UNC13C: variants seen among roughly 807,000 people sequenced by gnomAD.
The protein encoded by UNC13C is protein unc-13 homolog C.
A neutral mutation model predicts 245.4 loss-of-function variants in UNC13C; 174 were observed. That is an observed-to-expected ratio of 0.71 (90% CI 0.63 to 0.80). The LOEUF (loss-of-function observed/expected upper bound fraction) is 0.80. UNC13C is among the 30% of genes least tolerant of loss of function. The pLI is 0.00. For missense variants in UNC13C, 2,829 were observed against 2,602.9 expected (o/e 1.09, Z -1.89); for synonymous variants, 992 against 895.1 (o/e 1.11, Z -1.93).
At chr15:54,626,687 G>T (rs1428083298) in intron 32 of UNC13C, 141 bp from the exon 33 acceptor site, 4 of 774,952 alleles carry the variant, frequency 5.2e-6, no homozygotes, top group African/African-American at 1.7e-5. Flanking sequence ...CAAATTTAAA[G>T]GGTTAAAATA....
chr15:53,958,134 C>A, the UNC13C span, among the ~76,000 whole-genome samples: 2 of 152,268 alleles, frequency 1.3e-5, no homozygotes, highest in East Asian at 3.9e-4. Context: ...AAGAGAGCTG[C>A]AGATAATTTT....
intron 4 of UNC13C, among the ~76,000 whole-genome samples, chr15:54,149,158 G>A (rs1358897125): frequency 1.3e-5 from 2 of 152,030 alleles, no homozygotes; most frequent in Admixed American, 6.6e-5. Context: ...TTCCCCTTTG[G>A]CTTCTACCAG....
intron 2 of UNC13C, among the ~76,000 whole-genome samples, chr15:54,070,492 A>T (rs781017111): frequency 1.3e-5 from 2 of 152,144 alleles, no homozygotes; most frequent in African/African-American, 4.8e-5. Flanking sequence ...ATGCAGTATA[A>T]GATGATGTTA....
chr15:53,950,283 T>C, the UNC13C span, among the ~76,000 whole-genome samples: 5 of 152,178 alleles, frequency 3.3e-5, no homozygotes, highest in Non-Finnish European at 7.3e-5. Context: ...AATAGTCCCA[T>C]CTTATAGACA....
chr15:54,144,155 T>G (rs1031489591), intron 4 of UNC13C, among the ~76,000 whole-genome samples: 1 of 152,194 alleles, frequency 6.6e-6, no homozygotes, highest in Non-Finnish European at 1.5e-5. Context: ...TATTTAAAAT[T>G]TAATCACAAA....
rs1338878857 is a variant in UNC13C, at chr15:54,448,875, G to T, written c.4933+33808G>T. 2.6e-5 allele frequency among the ~76,000 whole-genome samples: 4 copies of T among 152,166 alleles called. No individual in the cohort carries two copies. The East Asian group carries it at 7.7e-4, about 29-fold the overall frequency. ...ATGCAGTTTCTTCCTAGCCTCGATGGTCTTTACAATTTGACATGTTTTTGC... is the reference window on the plus strand; with the variant it reads ...ATGCAGTTTCTTCCTAGCCTCGATGTTCTTTACAATTTGACATGTTTTTGC... On this transcript the variant is annotated intron_variant, in intron 19 of 32. Transcript: ENST00000260323.
the UNC13C span, among the ~76,000 whole-genome samples, chr15:53,906,580 C>T: frequency 6.6e-6 from 1 of 152,194 alleles, no homozygotes; most frequent in Non-Finnish European, 1.5e-5. Flanking sequence ...CCCATCTTTC[C>T]TAGCCAAGGG....
At chr15:54,514,328 C>T (rs552004976) in intron 24 of UNC13C, among the ~76,000 whole-genome samples, 2 of 152,250 alleles carry the variant, frequency 1.3e-5, no homozygotes, top group African/African-American at 4.8e-5. Context: ...AATTCAAATT[C>T]CCAGTTTTTT....
At chr15:54,483,096 G>A (rs986239268) in intron 19 of UNC13C, among the ~76,000 whole-genome samples, 4 of 152,142 alleles carry the variant, frequency 2.6e-5, no homozygotes, top group African/African-American at 4.8e-5. Context: ...CTGCAACTCC[G>A]TCATAATTTG....
At chr15:53,915,981 G>A in the UNC13C span, among the ~76,000 whole-genome samples, 4 of 152,124 alleles carry the variant, frequency 2.6e-5, no homozygotes, top group Non-Finnish European at 5.9e-5. Context: ...GGGTTCTTTT[G>A]TAATTTTTCC....
chr15:54,185,081 C>T (rs1489099177), intron 4 of UNC13C, among the ~76,000 whole-genome samples: 4 of 151,960 alleles, frequency 2.6e-5, no homozygotes, highest in Admixed American at 6.6e-5. Context: ...GAGAAGTGTC[C>T]ATTCATATCC....
chr15:54,001,596 A>G (rs750901456), intron 1 of UNC13C, among the ~76,000 whole-genome samples: 3 of 152,208 alleles, frequency 2.0e-5, no homozygotes, highest in Non-Finnish European at 4.4e-5. Flanking sequence ...GGGTCTGCTC[A>G]GATGGGAATC....
chr15:54,357,603 G>A (rs554421914), intron 17 of UNC13C, among the ~76,000 whole-genome samples: 1 of 152,106 alleles, frequency 6.6e-6, no homozygotes, highest in Admixed American at 6.6e-5. Context: ...TTCAGCATAT[G>A]CGTATATTAA....
intron 4 of UNC13C, among the ~76,000 whole-genome samples, chr15:54,224,782 T>G (rs909312518): frequency 6.6e-6 from 1 of 152,166 alleles, no homozygotes; most frequent in Non-Finnish European, 1.5e-5. Context: ...GTCCCAGGCT[T>G]TTCTATGCTC....
intron 19 of UNC13C, among the ~76,000 whole-genome samples, chr15:54,419,208 A>G (rs1424207648): frequency 1.3e-5 from 2 of 152,182 alleles, no homozygotes; most frequent in African/African-American, 4.8e-5. Context: ...TACCTGAGTA[A>G]TATACCATGC....
intron 4 of UNC13C, among the ~76,000 whole-genome samples, chr15:54,144,386 ATG>A (rs2032164726): frequency 6.6e-6 from 1 of 152,014 alleles, no homozygotes; most frequent in Non-Finnish European, 1.5e-5. Flanking sequence ...ATAAATAAGC[ATG>A]AATTTAATGC....
intron 1 of UNC13C, among the ~76,000 whole-genome samples, chr15:53,992,960 C>A (rs1894457636): frequency 6.6e-6 from 1 of 152,056 alleles, no homozygotes; most frequent in Non-Finnish European, 1.5e-5. Flanking sequence ...TACTGATATC[C>A]CATCCCAGTC....
chr15:54,408,199 CAAAAAAAAAAAAAAAA>C (rs71105808), intron 18 of UNC13C, among the ~76,000 whole-genome samples: 2 of 29,130 alleles, frequency 6.9e-5, no homozygotes, highest in African/African-American at 8.8e-5. Flanking sequence ...GACTCTGCCT[CAAAAAAAAAAAAAAAA>C]AAAAAAAAAA....
chr15:54,447,063 CT>C (rs1256416081), intron 19 of UNC13C, among the ~76,000 whole-genome samples: 2 of 152,044 alleles, frequency 1.3e-5, no homozygotes, highest in Non-Finnish European at 2.9e-5. Context: ...TGGTTTTTGT[CT>C]TTTGTTCTGT....
Sources: gnomAD v4.1 joint callset for allele counts (sites outside exome capture counted in the v4.1 genomes callset) on GRCh38, gnomAD v4.1.1 for gene constraint, MANE v1.5 for transcripts, NCBI Gene and HGNC (gene_info 2026-07-23, HGNC 2026-07-21) for gene names.